The following FAM13B variants were observed in gnomAD, a reference collection of about 807,000 sequenced individuals.
FAM13B encodes the protein protein FAM13B.
A neutral mutation model predicts 117.3 loss-of-function variants in FAM13B; 60 were observed. That is an observed-to-expected ratio of 0.51 (90% CI 0.42 to 0.63). The LOEUF (loss-of-function observed/expected upper bound fraction) is 0.63, where lower values mean the gene tolerates loss of function less well. Ranked by LOEUF, FAM13B falls within the 30% of genes least tolerant of loss-of-function variation. The pLI is 0.00. For synonymous variants in FAM13B, 332 were observed against 356.1 expected, an observed-to-expected ratio of 0.93 and a Z score of 0.76; for missense variants, 972 against 1,091.9, an observed-to-expected ratio of 0.89 and a Z score of 1.55.
At chr5:137,950,145 C>T (rs1764552172) in intron 17 of FAM13B, among the ~76,000 whole-genome samples, 1 of 152,136 alleles carries the variant, frequency 6.6e-6, no homozygotes, top group African/African-American at 2.4e-5. Context: ...ACCAAATACT[C>T]AGATTAGTAA....
intron 14 of FAM13B, 155 bp from the exon 15 acceptor site, chr5:137,954,531 TG>T: frequency 4.0e-6 from 1 of 247,466 alleles, no homozygotes; most frequent in Non-Finnish European, 6.5e-6. Flanking sequence ...CACATACATG[TG>T]TGTGTGTATA....
At chr5:138,039,691 C>T (rs1416954902) in intron 1 of FAM13B, 3 of 151,986 alleles carry the variant, frequency 2.0e-5, no homozygotes, top group African/African-American at 4.8e-5. Flanking sequence ...CCACCTCGGC[C>T]TCCCAAAGTG....
chr5:137,941,667 G>C (rs1222638655), intron 23 of FAM13B, among the ~76,000 whole-genome samples: 1 of 152,130 alleles, frequency 6.6e-6, no homozygotes, highest in African/African-American at 2.4e-5. Flanking sequence ...TCCCAAAAGG[G>C]TAAGGATGTA....
chr5:138,043,588 C>T (rs1220059375), intron 1 of FAM13B, among the ~76,000 whole-genome samples: 4 of 151,758 alleles, frequency 2.6e-5, no homozygotes, highest in Admixed American at 6.6e-5. Flanking sequence ...TACAGGCGCA[C>T]GCCACCACGC....
At chr5:137,972,675 G>A (rs1357628393) in intron 10 of FAM13B, among the ~76,000 whole-genome samples, 4 of 151,770 alleles carry the variant, frequency 2.6e-5, no homozygotes, top group Non-Finnish European at 5.9e-5. Context: ...AAATTGTCCC[G>A]GTTTGCAGAC....
chr5:137,968,272 A>C (rs1770738751), intron 10 of FAM13B, among the ~76,000 whole-genome samples: 1 of 142,206 alleles, frequency 7.0e-6, no homozygotes, highest in Non-Finnish European at 1.6e-5. Context: ...AGTTTCCACT[A>C]AAAAAAAAAA....
Position 138,018,299 on chromosome 5 carries a change from T to C in FAM13B, c.370+3A>G, listed in dbSNP as rs556878726. ...CCAATTGATAAGTATCAAATTATGTTACCTTGAGAAAGCTGCATCAAGTGA... is the reference window on the plus strand; with the variant it reads ...CCAATTGATAAGTATCAAATTATGTCACCTTGAGAAAGCTGCATCAAGTGA... On this transcript the variant is annotated splice_donor_region_variant and intron_variant, in intron 4 of 23. Transcript: ENST00000689681. 1 of 1,611,208 alleles carries C rather than the reference T, an allele frequency of 6.2e-7. No individual in the cohort carries two copies. The highest frequency in any genetic ancestry group is 1.1e-5 in the South Asian group (1 of 91,008).
intron 10 of FAM13B, among the ~76,000 whole-genome samples, chr5:137,984,185 C>G (rs745512926): frequency 1.6e-4 from 25 of 152,106 alleles, no homozygotes; most frequent in Non-Finnish European, 3.2e-4. Flanking sequence ...CAAATTATTC[C>G]TCTTTGGCAT....
At chr5:138,026,232 A>G (rs1335635934) in intron 1 of FAM13B, among the ~76,000 whole-genome samples, 2 of 152,238 alleles carry the variant, frequency 1.3e-5, no homozygotes, top group African/African-American at 4.8e-5. Flanking sequence ...GTTCTATGTC[A>G]TAACTGTGGC....
chr5:138,034,859 G>A (rs1243270863), upstream of FAM13B, among the ~76,000 whole-genome samples: 2 of 152,006 alleles, frequency 1.3e-5, no homozygotes, highest in Non-Finnish European at 2.9e-5. Flanking sequence ...GAGTAAATCC[G>A]AAGAGAGTTA....
At position 137,954,287 on chromosome 5, in the gene FAM13B, G is replaced by C. The variant is rs765310661; in HGVS notation, c.1597C>G (p.Pro533Ala). ...SPQAGRMNHH[P>A]LEEDCPPVLS... ...ACTGGAGGACAGTCCTCTTCCAAGG[G>C]GTGATGATTCATTCTTCCAGCTTGT... The change falls in exon 15 of 24, where the codon CCC (proline) becomes GCC (alanine). Residue 533 changes from proline (P) to alanine (A), a missense_variant. Pro to Ala is a conservative substitution (Grantham distance 27). Coordinates refer to ENST00000689681, the MANE Select transcript of FAM13B (RefSeq NM_001385994.1). The C allele has an allele frequency of 6.2e-7, 1 of 1,613,918 alleles. No homozygotes were observed. The highest frequency in any genetic ancestry group is 8.5e-7 in the Non-Finnish European group (1 of 1,179,968).
At chr5:137,962,594 A>T in intron 10 of FAM13B, 125 bp from the exon 11 acceptor site, 1 of 751,070 alleles carries the variant, frequency 1.3e-6, no homozygotes, top group Middle Eastern at 2.5e-4. Flanking sequence ...TATCATTTAT[A>T]ATAGTCTGTA....
At chr5:138,022,981 C>A (rs1188299083) in intron 1 of FAM13B, among the ~76,000 whole-genome samples, 2 of 152,014 alleles carry the variant, frequency 1.3e-5, no homozygotes, top group Non-Finnish European at 1.5e-5. Flanking sequence ...GTACACACCA[C>A]CATACCCAGC....
At chr5:137,976,705 A>C in intron 10 of FAM13B, among the ~76,000 whole-genome samples, 1 of 152,186 alleles carries the variant, frequency 6.6e-6, no homozygotes, top group East Asian at 1.9e-4. Flanking sequence ...TAAATTGTGA[A>C]GATTTCATGG....
At position 137,939,750 on chromosome 5, in the gene FAM13B, C is replaced by A. The variant is rs899041552; in HGVS notation, c.*475G>T. On this transcript the variant is annotated 3_prime_UTR_variant, in exon 24 of 24. Coordinates refer to ENST00000689681, the MANE Select transcript of FAM13B (RefSeq NM_001385994.1). Reference sequence around the variant, plus strand: ...TGGTTTTCTAGGAAAACAGAGAACACAGTTGCGTATGTGCACTTTTATAGG... The same window carrying A: ...TGGTTTTCTAGGAAAACAGAGAACAAAGTTGCGTATGTGCACTTTTATAGG... 6 of 613,834 alleles carry A rather than the reference C, an allele frequency of 9.8e-6. No individual in the cohort carries two copies. The African/African-American group carries it at 9.9e-5, about 10-fold the overall frequency. 38.0% of individuals were successfully genotyped at this position (613,834 alleles called of 1,614,324 possible).
chr5:138,019,958 C>T (rs544819354), intron 2 of FAM13B: 23 of 927,032 alleles, frequency 2.5e-5, no homozygotes, highest in Middle Eastern at 5.5e-4. Context: ...GGATTACAGG[C>T]GTTAGCCACC....
At chr5:137,953,486 A>G in intron 15 of FAM13B, 21 bp from the exon 16 acceptor site, 1 of 1,611,562 alleles carries the variant, frequency 6.2e-7, no homozygotes, top group South Asian at 1.1e-5. Context: ...ACAAAAGGCC[A>G]ACACTGTTAA....
intron 2 of FAM13B, chr5:138,019,873 G>C (rs1227323713): frequency 5.4e-6 from 1 of 185,786 alleles, no homozygotes; most frequent in Non-Finnish European, 1.0e-5. Flanking sequence ...GTAGAGATGG[G>C]GTTTCACCGT....
chr5:138,042,558 A>T (rs987116607), intron 1 of FAM13B, among the ~76,000 whole-genome samples: 23 of 152,148 alleles, frequency 1.5e-4, no homozygotes, highest in African/African-American at 5.3e-4. Flanking sequence ...TTTAATTGAA[A>T]TTAAATATAA....
Sources: allele counts gnomAD v4.1 joint callset (sites outside exome capture counted in the v4.1 genomes callset), GRCh38; gene constraint gnomAD v4.1.1; transcripts MANE v1.5; gene names NCBI Gene and HGNC (gene_info 2026-07-23, HGNC 2026-07-21).